PPP2R2B: variants seen among roughly 807,000 people sequenced by gnomAD.
PPP2R2B encodes protein phosphatase 2 regulatory subunit Bbeta.
In PPP2R2B, 5 loss-of-function variants were observed where a neutral mutation model predicts 46.0. That is an observed-to-expected ratio of 0.11 (90% CI 0.06 to 0.23). PPP2R2B has a LOEUF of 0.23. Among genes scored for constraint, PPP2R2B ranks in the 10% least tolerant of loss-of-function variants. The probability of loss-of-function intolerance (pLI) is 1.00; values close to 1 mark genes in which losing one functional copy is unlikely to be tolerated. For missense variants in PPP2R2B, 367 were observed against 575.0 expected (o/e 0.64, Z 3.70); for synonymous variants, 215 against 206.7 (o/e 1.04, Z -0.34).
chr5:146,689,378 G>A (rs1485758350), intron 5 of PPP2R2B, among the ~76,000 whole-genome samples: 1 of 152,170 alleles, frequency 6.6e-6, no homozygotes, highest in Non-Finnish European at 1.5e-5. Context: ...TACTGTATTT[G>A]TACTGTGTCT....
exon 1 of PPP2R2B, chr5:147,055,927 G>GCA: frequency 1.4e-6 from 2 of 1,424,266 alleles, no homozygotes; most frequent in Non-Finnish European, 1.8e-6. Flanking sequence ...GCGCCAGGAA[G>GCA]CACTGCCTTA....
At chr5:146,677,700 G>A (rs1777833631) in intron 5 of PPP2R2B, among the ~76,000 whole-genome samples, 1 of 151,934 alleles carries the variant, frequency 6.6e-6, no homozygotes, top group South Asian at 2.1e-4. Flanking sequence ...GCTAACTATT[G>A]TATTTTTTGT....
chr5:146,824,117 G>A (rs186811293), intron 2 of PPP2R2B, among the ~76,000 whole-genome samples: 1 of 152,310 alleles, frequency 6.6e-6, no homozygotes, highest in Non-Finnish European at 1.5e-5. Context: ...GCTACACAAA[G>A]TAGGATTTGA....
At chr5:146,905,347 G>A (rs1275513081) in intron 1 of PPP2R2B, among the ~76,000 whole-genome samples, 2 of 152,116 alleles carry the variant, frequency 1.3e-5, no homozygotes, top group African/African-American at 4.8e-5. Context: ...AGAAATAAAA[G>A]CATGTCCACA....
At chr5:146,710,984 C>T (rs1379320322) in intron 2 of PPP2R2B, among the ~76,000 whole-genome samples, 2 of 152,238 alleles carry the variant, frequency 1.3e-5, no homozygotes, top group African/African-American at 4.8e-5. Flanking sequence ...TCAGGTATCA[C>T]TTCCTTAAGA....
intron 2 of PPP2R2B, among the ~76,000 whole-genome samples, chr5:146,731,986 G>C (rs1320959993): frequency 6.6e-6 from 1 of 152,118 alleles, no homozygotes; most frequent in Non-Finnish European, 1.5e-5. Flanking sequence ...TGATGATTAA[G>C]ATAAGGTCCA....
intron 2 of PPP2R2B, among the ~76,000 whole-genome samples, chr5:146,750,983 A>T (rs1427304315): frequency 6.6e-6 from 1 of 152,174 alleles, no homozygotes; most frequent in Non-Finnish European, 1.5e-5. Context: ...TGCTCTCAAC[A>T]GTAGGAGCTG....
intron 1 of PPP2R2B, among the ~76,000 whole-genome samples, chr5:147,029,232 T>C (rs1186585164): frequency 6.6e-6 from 1 of 152,194 alleles, no homozygotes; most frequent in Non-Finnish European, 1.5e-5. Flanking sequence ...CTACCTAAGG[T>C]TGTCAATATT....
intron 5 of PPP2R2B, among the ~76,000 whole-genome samples, chr5:146,671,730 C>T (rs1251632978): frequency 6.6e-6 from 1 of 152,196 alleles, no homozygotes; most frequent in African/African-American, 2.4e-5. Flanking sequence ...AAACTACATC[C>T]TCTGTTTTAC....
chr5:147,021,366 T>C (rs1755259141), intron 1 of PPP2R2B, among the ~76,000 whole-genome samples: 2 of 152,158 alleles, frequency 1.3e-5, no homozygotes. Flanking sequence ...AGGCAGATAC[T>C]GGAGAGGTGA....
chr5:146,827,993 T>C (rs1758681384), intron 2 of PPP2R2B, among the ~76,000 whole-genome samples: 1 of 141,858 alleles, frequency 7.0e-6, no homozygotes, highest in Non-Finnish European at 1.5e-5. Context: ...CTCCATGGCC[T>C]AGTTGAAGAG....
chr5:146,715,828 A>G (rs1171754813), intron 2 of PPP2R2B, among the ~76,000 whole-genome samples: 1 of 151,828 alleles, frequency 6.6e-6, no homozygotes, highest in East Asian at 1.9e-4. Flanking sequence ...TTTTTTCTAT[A>G]TAAATTCTTT....
intron 2 of PPP2R2B, among the ~76,000 whole-genome samples, chr5:146,742,758 G>T (rs1752953085): frequency 6.6e-6 from 1 of 152,158 alleles, no homozygotes; most frequent in Non-Finnish European, 1.5e-5. Flanking sequence ...AGAAGTAGTT[G>T]CGATGAGGTC....
intron 1 of PPP2R2B, among the ~76,000 whole-genome samples, chr5:146,903,283 C>T (rs1762893689): frequency 6.6e-6 from 1 of 151,852 alleles, no homozygotes; most frequent in Non-Finnish European, 1.5e-5. Flanking sequence ...TTGAGGTTCT[C>T]AATCATTTTT....
At chr5:146,960,479 C>A (rs1229928962) in intron 1 of PPP2R2B, among the ~76,000 whole-genome samples, 3 of 151,920 alleles carry the variant, frequency 2.0e-5, no homozygotes, top group Non-Finnish European at 4.4e-5. Flanking sequence ...TAGTAGAGAG[C>A]GGGTTTCACC....
At chr5:146,596,071 G>A (rs879434871) in intron 8 of PPP2R2B, among the ~76,000 whole-genome samples, 4 of 152,172 alleles carry the variant, frequency 2.6e-5, no homozygotes, top group Non-Finnish European at 5.9e-5. Context: ...TATGGTCTCT[G>A]TGACAGCTAC....
At chr5:146,709,390 T>G (rs565770782) in intron 2 of PPP2R2B, among the ~76,000 whole-genome samples, 52 of 152,328 alleles carry the variant, frequency 3.4e-4, no homozygotes, top group African/African-American at 9.4e-4. Flanking sequence ...CTCAGAATCT[T>G]TCTTCCTTGC....
At chr5:146,768,770 T>C (rs148844192) in intron 2 of PPP2R2B, among the ~76,000 whole-genome samples, 51 of 152,336 alleles carry the variant, frequency 3.3e-4, no homozygotes, top group African/African-American at 1.2e-3. Context: ...CTCCCAGCTC[T>C]TTCCTGTTCC....
At chr5:146,954,649 C>A (rs1751791832) in intron 1 of PPP2R2B, among the ~76,000 whole-genome samples, 1 of 151,712 alleles carries the variant, frequency 6.6e-6, no homozygotes, top group South Asian at 2.1e-4. Flanking sequence ...TCCCCAATAA[C>A]CTATGAAAAT....
Sources: gnomAD v4.1 joint callset for allele counts (sites outside exome capture counted in the v4.1 genomes callset) on GRCh38, gnomAD v4.1.1 for gene constraint, MANE v1.5 for transcripts, NCBI Gene and HGNC (gene_info 2026-07-23, HGNC 2026-07-21) for gene names.